CACNA2D1: variants seen among roughly 807,000 people sequenced by gnomAD.
CACNA2D1 encodes voltage-dependent calcium channel subunit alpha-2/delta-1.
In CACNA2D1, 53 loss-of-function variants were observed where a neutral mutation model predicts 171.5. That is an observed-to-expected ratio of 0.31 (90% CI 0.25 to 0.39). The LOEUF (loss-of-function observed/expected upper bound fraction) is 0.39, where lower values mean the gene tolerates loss of function less well. Among genes scored for constraint, CACNA2D1 ranks in the 10% least tolerant of loss-of-function variants. The pLI is 1.00. For synonymous variants in CACNA2D1, 442 were observed against 443.1 expected (o/e 1.00, Z 0.03); for missense variants, 903 against 1,299.8 (o/e 0.69, Z 4.69).
chr7:82,342,546 CTACAAA>C (rs2129445110), intron 2 of CACNA2D1, among the ~76,000 whole-genome samples: 1 of 152,180 alleles, frequency 6.6e-6, no homozygotes, highest in Admixed American at 6.5e-5. Context: ...ACATAATAGA[CTACAAA>C]TACAACACCG....
intron 3 of CACNA2D1, among the ~76,000 whole-genome samples, chr7:82,175,624 T>C (rs1469732199): frequency 2.0e-5 from 3 of 152,050 alleles, no homozygotes; most frequent in African/African-American, 7.2e-5. Flanking sequence ...AAGAAAAGCC[T>C]ACAGATACAA....
At chr7:82,034,495 C>T (rs952557821) in intron 11 of CACNA2D1, among the ~76,000 whole-genome samples, 1 of 152,010 alleles carries the variant, frequency 6.6e-6, no homozygotes, top group Non-Finnish European at 1.5e-5. Context: ...CAAGTATTAA[C>T]TAATATAATT....
At position 81,965,574 on chromosome 7, in the gene CACNA2D1, C is replaced by T; in HGVS notation, c.2574+20G>A. The T allele has an allele frequency of 2.2e-6, 3 of 1,333,398 alleles. No homozygotes were observed. The highest frequency in any genetic ancestry group is 3.2e-6 in the Non-Finnish European group (3 of 924,430). The allele number at this position is 1,333,398 out of a possible 1,614,324, so 82.6% of individuals were successfully genotyped here. A position where few individuals can be genotyped will look rare whatever the true frequency, so the allele number is the denominator to read the frequency against. On this transcript the variant is annotated intron_variant, in intron 32 of 38. Transcript: ENST00000356860. Reference sequence around the variant, plus strand: ...AACACACTTTGGAAAGCCTAATTCCCTCTTATTTGAGGTACATACCTGATT... The same window carrying T: ...AACACACTTTGGAAAGCCTAATTCCTTCTTATTTGAGGTACATACCTGATT...
intron 7 of CACNA2D1, among the ~76,000 whole-genome samples, chr7:82,076,372 A>T (rs1256063389): frequency 6.6e-6 from 1 of 152,076 alleles, no homozygotes; most frequent in Non-Finnish European, 1.5e-5. Flanking sequence ...CAACACCTCA[A>T]ACTTTACTGT....
intron 3 of CACNA2D1, among the ~76,000 whole-genome samples, chr7:82,187,009 T>C (rs1193984086): frequency 6.6e-6 from 1 of 152,198 alleles, no homozygotes; most frequent in South Asian, 2.1e-4. Flanking sequence ...ATCTCTAAAC[T>C]TCTTTTTTCC....
At chr7:82,153,394 T>C (rs1467051907) in intron 4 of CACNA2D1, among the ~76,000 whole-genome samples, 3 of 150,356 alleles carry the variant, frequency 2.0e-5, no homozygotes, top group African/African-American at 7.5e-5. Context: ...TAATAAAATA[T>C]TTTTTAGATC....
At chr7:82,340,443 T>G (rs911310231) in intron 2 of CACNA2D1, among the ~76,000 whole-genome samples, 1 of 151,816 alleles carries the variant, frequency 6.6e-6, no homozygotes, top group South Asian at 2.1e-4. Context: ...AGCGCTGGGA[T>G]TACAGGCGTG....
intron 22 of CACNA2D1, 44 bp downstream of exon 22, chr7:81,984,591 A>T (rs1290145780): frequency 1.0e-6 from 1 of 1,000,658 alleles, no homozygotes; most frequent in Non-Finnish European, 1.6e-6. Context: ...ATCTGATACT[A>T]GGAGATAACA....
chr7:82,138,644 T>C (rs1004493173), intron 4 of CACNA2D1, among the ~76,000 whole-genome samples: 15 of 151,942 alleles, frequency 9.9e-5, no homozygotes, highest in African/African-American at 3.6e-4. Context: ...GATGGGGTTT[T>C]ACTGTGTTAG....
At chr7:82,014,240 T>C (rs1020109507) in intron 13 of CACNA2D1, among the ~76,000 whole-genome samples, 161 bp downstream of exon 13, 2 of 152,138 alleles carry the variant, frequency 1.3e-5, no homozygotes, top group African/African-American at 2.4e-5. Flanking sequence ...AGTGTCAAAA[T>C]TGGTATGTGT....
chr7:81,977,219 C>T (rs37080), intron 24 of CACNA2D1, among the ~76,000 whole-genome samples: 114,211 of 151,970 alleles, frequency 0.75, 43,002 homozygotes, highest in African/African-American at 0.78. Context: ...TTTTGAGATA[C>T]GTTCCATCAA....
intron 3 of CACNA2D1, among the ~76,000 whole-genome samples, chr7:82,245,849 T>C (rs918476704): frequency 2.0e-5 from 3 of 152,258 alleles, no homozygotes; most frequent in Non-Finnish European, 2.9e-5. Flanking sequence ...ACATAAACTA[T>C]TGATTTATAT....
Position 81,970,611 on chromosome 7 carries a change from T to C in CACNA2D1, c.2204+64A>G, listed in dbSNP as rs116360226. The C allele has an allele frequency of 1.8e-4, 157 of 859,664 alleles. No individual in the cohort carries two copies. In the African/African-American group the frequency reaches 2.4e-3, roughly 13 times the overall value. The allele number at this position is 859,664 out of a possible 1,614,324, so 53.3% of individuals were successfully genotyped here. Reference sequence around the variant, plus strand: ...GAAGAATGGCTTCCTTAAGCAGTAATGTACAAATCCTTGGCGCAGTCTTTT... The same window carrying C: ...GAAGAATGGCTTCCTTAAGCAGTAACGTACAAATCCTTGGCGCAGTCTTTT... On this transcript the variant is annotated intron_variant, in intron 27 of 38. Transcript: ENST00000356860.
At chr7:82,119,340 C>A (rs1270041280) in intron 5 of CACNA2D1, among the ~76,000 whole-genome samples, 1 of 152,148 alleles carries the variant, frequency 6.6e-6, no homozygotes, top group African/African-American at 2.4e-5. Flanking sequence ...GCATAATTCT[C>A]AGACTATTCT....
chr7:82,108,930 A>T (rs1379544107), intron 6 of CACNA2D1, among the ~76,000 whole-genome samples: 2 of 152,184 alleles, frequency 1.3e-5, no homozygotes, highest in Non-Finnish European at 2.9e-5. Context: ...AACAATGTTA[A>T]TTATGTAAGC....
chr7:82,181,534 G>T (rs1186198354), intron 3 of CACNA2D1, among the ~76,000 whole-genome samples: 1 of 152,158 alleles, frequency 6.6e-6, no homozygotes, highest in African/African-American at 2.4e-5. Context: ...TGAATCTATG[G>T]GTTAACAAAC....
intron 1 of CACNA2D1, among the ~76,000 whole-genome samples, chr7:82,403,458 CTT>C (rs1283748844): frequency 6.6e-6 from 1 of 152,146 alleles, no homozygotes; most frequent in Non-Finnish European, 1.5e-5. Context: ...CTCCAGTTCT[CTT>C]TCTCTCCAAT....
At chr7:82,113,741 C>T (rs1347823034) in intron 6 of CACNA2D1, among the ~76,000 whole-genome samples, 3 of 152,182 alleles carry the variant, frequency 2.0e-5, no homozygotes, top group Admixed American at 6.5e-5. Context: ...TGTTCCCACA[C>T]ACCACATGAA....
chr7:82,122,132 A>T (rs543418051), intron 5 of CACNA2D1, among the ~76,000 whole-genome samples: 17 of 152,162 alleles, frequency 1.1e-4, no homozygotes, highest in Non-Finnish European at 2.4e-4. Context: ...ATCACAAAGC[A>T]GCTGAAATTG....
Sources: gnomAD v4.1 joint callset for allele counts (sites outside exome capture counted in the v4.1 genomes callset) on GRCh38, gnomAD v4.1.1 for gene constraint, MANE v1.5 for transcripts, NCBI Gene and HGNC (gene_info 2026-07-23, HGNC 2026-07-21) for gene names.